Variants in MAGEC3 observed in about 807,000 individuals in gnomAD.
The protein encoded by MAGEC3 is MAGE family member C3, also known as melanoma-associated antigen C3.
In MAGEC3, 34 loss-of-function variants were observed where a neutral mutation model predicts 35.3. The observed-to-expected ratio is 0.96, with a 90% CI of 0.73 to 1.28. MAGEC3 has a LOEUF of 1.28. Among genes scored for constraint, MAGEC3 ranks in the 50% most tolerant of loss-of-function variants. MAGEC3 has a pLI of 0.00. For missense variants in MAGEC3, 561 were observed against 483.6 expected, an observed-to-expected ratio of 1.16 and a Z score of -1.50; for synonymous variants, 202 against 185.6, an observed-to-expected ratio of 1.09 and a Z score of -0.72.
intron 4 of MAGEC3, among the ~76,000 whole-genome samples, chrX:141,892,540 A>AAT (rs1269356474): frequency 4.5e-5 from 5 of 111,454 alleles, no homozygotes; most frequent in Non-Finnish European, 7.5e-5. Context: ...TTCACCAATT[A>AAT]ATTCTCTCAC....
At chrX:141,854,133 C>G (rs1198452897) in intron 1 of MAGEC3, among the ~76,000 whole-genome samples, 2 of 111,052 alleles carry the variant, frequency 1.8e-5, no homozygotes, top group African/African-American at 3.3e-5. Flanking sequence ...GTCATGATCT[C>G]TGTCTTTATG....
At chrX:141,863,950 G>A (rs952703073) in intron 1 of MAGEC3, among the ~76,000 whole-genome samples, 1 of 111,363 alleles carries the variant, frequency 9.0e-6, no homozygotes, top group African/African-American at 3.3e-5. Flanking sequence ...AAAAAGATAC[G>A]AAAAACAGAT....
intron 1 of MAGEC3, among the ~76,000 whole-genome samples, chrX:141,864,222 A>G (rs1462446258): frequency 1.8e-5 from 2 of 108,150 alleles, no homozygotes; most frequent in Non-Finnish European, 3.8e-5. Context: ...GCTCACGCTT[A>G]TAATCCCAGT....
chrX:141,875,006 A>G (rs947406312), intron 2 of MAGEC3, among the ~76,000 whole-genome samples: 12 of 111,721 alleles, frequency 1.1e-4, no homozygotes, highest in Admixed American at 1.0e-3. Context: ...AATGTTCATT[A>G]TAGTGAACGC....
At chrX:141,863,077 T>C (rs186083356) in intron 1 of MAGEC3, among the ~76,000 whole-genome samples, 1 of 111,888 alleles carries the variant, frequency 8.9e-6, no homozygotes, top group African/African-American at 3.2e-5. Flanking sequence ...ACATATATTT[T>C]TATAGCAAAA....
chrX:141,853,413 G>A (rs1490335000), intron 1 of MAGEC3, among the ~76,000 whole-genome samples: 1 of 111,523 alleles, frequency 9.0e-6, no homozygotes, highest in Non-Finnish European at 1.9e-5. Context: ...TGGACATCTT[G>A]TTAAAAGATT....
rs1314683842 is a variant in MAGEC3 at position 141,884,203 on chromosome X, G to A, written c.909+2407G>A. Reference sequence around the variant, plus strand: ...TGAGTCAGTGGGCTGGGAAAGGCAGGTCCACCCTTAATCTGCATGGGCACA... The same window carrying A: ...TGAGTCAGTGGGCTGGGAAAGGCAGATCCACCCTTAATCTGCATGGGCACA... On this transcript the variant is annotated intron_variant, in intron 4 of 7. Transcript: ENST00000298296. Among the ~76,000 whole-genome samples the A allele has an allele frequency of 2.7e-5, 3 of 112,518 alleles. No homozygotes were observed. The Admixed American group carries it at 2.8e-4, about 11-fold the overall frequency.
At chrX:141,856,845 G>C (rs2017784041) in intron 1 of MAGEC3, among the ~76,000 whole-genome samples, 2 of 111,961 alleles carry the variant, frequency 1.8e-5, no homozygotes, top group Admixed American at 1.9e-4. Flanking sequence ...TATGTGGAAG[G>C]GAGCAGTTTT....
At chrX:141,856,494 A>G (rs1488279719) in intron 1 of MAGEC3, among the ~76,000 whole-genome samples, 2 of 111,298 alleles carry the variant, frequency 1.8e-5, no homozygotes, top group Non-Finnish European at 3.8e-5. Flanking sequence ...ACACACAATT[A>G]TACATATTTA....
chrX:141,839,101 T>C lies in MAGEC3; in HGVS notation c.123+663T>C, dbSNP rs188954141. Among the ~76,000 whole-genome samples, 690 of 111,247 alleles carry C rather than the reference T, an allele frequency of 6.2e-3. 8 individuals are homozygous for C. The highest frequency in any genetic ancestry group is 0.021 in the African/African-American group (649 of 30,555). Reference sequence around the variant, plus strand: ...ATTATAGGAGTCTATAGTGAGAATGTAAACTACTGAGGCTCTCTCACCTAT... The same window carrying C: ...ATTATAGGAGTCTATAGTGAGAATGCAAACTACTGAGGCTCTCTCACCTAT... On this transcript the variant is annotated intron_variant, in intron 1 of 7. Coordinates refer to ENST00000298296, the MANE Select transcript of MAGEC3 (RefSeq NM_138702.1).
intron 6 of MAGEC3, 106 bp from the exon 7 acceptor site, chrX:141,896,776 A>G: frequency 5.0e-6 from 6 of 1,204,926 alleles, no homozygotes; most frequent in Non-Finnish European, 6.7e-6. Context: ...TGCCTCCTCC[A>G]CTTCCTCTTC....
intron 4 of MAGEC3, among the ~76,000 whole-genome samples, chrX:141,885,641 G>A (rs1442396117): frequency 1.2e-5 from 1 of 85,168 alleles, no homozygotes; most frequent in Non-Finnish European, 2.2e-5. Flanking sequence ...TCCAGCCTGG[G>A]TGACAGAGTG....
rs540239980 is a variant in MAGEC3 at position 141,861,284 on chromosome X, A to G, written c.124-4187A>G. On this transcript the variant is annotated intron_variant, in intron 1 of 7. Coordinates refer to ENST00000298296, the MANE Select transcript of MAGEC3 (RefSeq NM_138702.1). ...CAAAACATGTCAAAAATAATTGCAA[A>G]GGACACAAAGAAATGGAAAGACATC... Among the ~76,000 whole-genome samples, 253 of 111,630 alleles carry G rather than the reference A, an allele frequency of 2.3e-3. 3 individuals are homozygous for G. The highest frequency in any genetic ancestry group is 0.01 in the South Asian group (27 of 2,668).
At chrX:141,891,640 A>G (rs1315395875) in intron 4 of MAGEC3, among the ~76,000 whole-genome samples, 1 of 106,006 alleles carries the variant, frequency 9.4e-6, no homozygotes, top group Non-Finnish European at 1.9e-5. Flanking sequence ...AAGTTTTTAA[A>G]AGATAGATGT....
chrX:141,854,875 T>C (rs947148724), intron 1 of MAGEC3, among the ~76,000 whole-genome samples: 6 of 111,240 alleles, frequency 5.4e-5, no homozygotes, highest in Admixed American at 9.5e-5. Flanking sequence ...ACTGAAGAGG[T>C]AGGCAAGGGT....
intron 2 of MAGEC3, among the ~76,000 whole-genome samples, chrX:141,869,969 T>TTTCAGAGAAAGAA (rs1158337327): frequency 7.3e-4 from 81 of 111,543 alleles, no homozygotes; most frequent in African/African-American, 2.5e-3. Flanking sequence ...TTTACCTCTT[T>TTTCAGAGAAAGAA]TCCAGATGCT....
At chrX:141,893,413 G>T (rs1456102264) in intron 4 of MAGEC3, among the ~76,000 whole-genome samples, 1 of 110,911 alleles carries the variant, frequency 9.0e-6, no homozygotes, top group Non-Finnish European at 1.9e-5. Context: ...TGGGGCAAGG[G>T]GGATTGATAG....
At chrX:141,877,998 A>G (rs780395161) in intron 2 of MAGEC3, among the ~76,000 whole-genome samples, 7 of 110,684 alleles carry the variant, frequency 6.3e-5, no homozygotes, top group African/African-American at 2.0e-4. Context: ...TTTTCACGAA[A>G]TTCTATTTTC....
At chrX:141,878,525 T>G (rs2017934803) in intron 2 of MAGEC3, among the ~76,000 whole-genome samples, 1 of 111,334 alleles carries the variant, frequency 9.0e-6, no homozygotes, top group East Asian at 2.9e-4. Flanking sequence ...TGGGAGGCCC[T>G]GGGGCATGGT....
Sources: gnomAD v4.1 joint callset for allele counts (sites outside exome capture counted in the v4.1 genomes callset) on GRCh38, gnomAD v4.1.1 for gene constraint, MANE v1.5 for transcripts, NCBI Gene and HGNC (gene_info 2026-07-23, HGNC 2026-07-21) for gene names.